The following LRGUK variants were observed in gnomAD, a reference collection of about 807,000 sequenced individuals.
The protein encoded by LRGUK is leucine-rich repeat and guanylate kinase domain-containing protein.
A neutral mutation model predicts 76.0 loss-of-function variants in LRGUK; 65 were observed. The observed-to-expected ratio is 0.85, with a 90% CI of 0.70 to 1.05. LRGUK has a LOEUF of 1.05. LRGUK is among the 50% of genes least tolerant of loss of function. The pLI, the probability that LRGUK is intolerant of heterozygous loss-of-function variation, is 0.00. For synonymous variants in LRGUK, 268 were observed against 265.6 expected, an observed-to-expected ratio of 1.01 and a Z score of -0.09; for missense variants, 758 against 732.8, an observed-to-expected ratio of 1.03 and a Z score of -0.40.
the LRGUK span, among the ~76,000 whole-genome samples, chr7:134,270,993 C>G: frequency 6.6e-6 from 1 of 151,952 alleles, no homozygotes; most frequent in Non-Finnish European, 1.5e-5. Flanking sequence ...CTTTTTATTG[C>G]TAATCCAATA....
At chr7:134,147,451 A>T (rs1277954483) in intron 4 of LRGUK, among the ~76,000 whole-genome samples, 5 of 151,622 alleles carry the variant, frequency 3.3e-5, no homozygotes, top group African/African-American at 1.2e-4. Context: ...AAAAAAAAAA[A>T]TTCTGGCATT....
In LRGUK at chr7:134,223,725, T is replaced by A. The variant is rs374743304; in HGVS notation, c.1983+1807T>A. Among the ~76,000 whole-genome samples the A allele has an allele frequency of 5.3e-5, 8 of 152,336 alleles. No individual in the cohort carries two copies. The East Asian group carries it at 1.3e-3, about 26-fold the overall frequency. Reference sequence around the variant, plus strand: ...TCATCTAAGGCACTGAATCCCATTCTGAGCCAGTGGCCCTGGTATTCTCCA... The same window carrying A: ...TCATCTAAGGCACTGAATCCCATTCAGAGCCAGTGGCCCTGGTATTCTCCA... On this transcript the variant is annotated intron_variant, in intron 16 of 19. Transcript: ENST00000285928.
chr7:134,155,490 G>A lies in LRGUK; in HGVS notation c.671-2545G>A, dbSNP rs181631566. On this transcript the variant is annotated intron_variant, in intron 5 of 15. Transcript: ENST00000645682. ...AAGGATTGAAACTGAAACCATTGAG[G>A]AAAACCCAAGAATTTCTGGTACATT... is the stretch of plus-strand genomic sequence containing the variant. Among the ~76,000 whole-genome samples, 119 of 152,278 alleles carry A rather than the reference G, an allele frequency of 7.8e-4. 3 individuals carry two copies. The highest frequency in any genetic ancestry group is 7.5e-3 in the Admixed American group (115 of 15,300).
chr7:134,140,953 A>T (rs920089793), intron 3 of LRGUK, among the ~76,000 whole-genome samples: 4 of 152,188 alleles, frequency 2.6e-5, no homozygotes, highest in Non-Finnish European at 4.4e-5. Flanking sequence ...TGGTCATCTC[A>T]TCAGAAGGCC....
intron 7 of LRGUK, among the ~76,000 whole-genome samples, chr7:134,164,482 G>A (rs1168382378): frequency 6.6e-6 from 1 of 152,164 alleles, no homozygotes; most frequent in Non-Finnish European, 1.5e-5. Context: ...TAAAGCATTT[G>A]TGTTCCTAAT....
chr7:134,136,150 A>G (rs1034422108), intron 1 of LRGUK, among the ~76,000 whole-genome samples: 6 of 152,174 alleles, frequency 3.9e-5, no homozygotes, highest in African/African-American at 1.4e-4. Flanking sequence ...TCTCATGTTG[A>G]TGTCAGTGTT....
intron 16 of LRGUK, among the ~76,000 whole-genome samples, chr7:134,242,652 G>A (rs1433369111): frequency 1.3e-5 from 2 of 152,096 alleles, no homozygotes; most frequent in Non-Finnish European, 2.9e-5. Context: ...CATTCCTTCT[G>A]AAATTATTCC....
At chr7:134,183,756 C>G (rs763318943) in exon 11 of LRGUK, 209 of 1,614,008 alleles carry the variant, frequency 1.3e-4, no homozygotes, top group South Asian at 2.3e-4. Context: ...CCTGGATGCC[C>G]CTTATCCCAT....
chr7:134,136,391 C>T (rs1158908555), intron 1 of LRGUK, among the ~76,000 whole-genome samples: 2 of 152,144 alleles, frequency 1.3e-5, no homozygotes, highest in Non-Finnish European at 2.9e-5. Flanking sequence ...ACTGAAGGAC[C>T]TGTTTTCTCT....
chr7:134,179,824 A>G (rs1415931966), intron 10 of LRGUK, among the ~76,000 whole-genome samples: 1 of 152,190 alleles, frequency 6.6e-6, no homozygotes, highest in African/African-American at 2.4e-5. Flanking sequence ...CTCATGGACA[A>G]AGGACCAGTA....
chr7:134,192,779 C>G (rs1800312127), intron 12 of LRGUK, among the ~76,000 whole-genome samples: 3 of 152,068 alleles, frequency 2.0e-5, no homozygotes, highest in Non-Finnish European at 4.4e-5. Flanking sequence ...TTCATTGTTT[C>G]TATCACCAAG....
chr7:134,219,137 G>A (rs531532031), intron 15 of LRGUK, among the ~76,000 whole-genome samples: 3 of 152,188 alleles, frequency 2.0e-5, no homozygotes, highest in African/African-American at 7.2e-5. Context: ...TTGTCACATG[G>A]TATTATAACA....
intron 5 of LRGUK, among the ~76,000 whole-genome samples, chr7:134,155,583 GCCTT>G (rs1220757145): frequency 7.2e-5 from 11 of 152,160 alleles, no homozygotes; most frequent in Non-Finnish European, 1.0e-4. Flanking sequence ...CTTAATCCCA[GCCTT>G]GAATTTTCCA....
downstream of LRGUK, among the ~76,000 whole-genome samples, chr7:134,211,149 A>G (rs1320813633): frequency 6.6e-6 from 1 of 152,198 alleles, no homozygotes; most frequent in Non-Finnish European, 1.5e-5. Context: ...AAGGCAGCCA[A>G]TCTGCACTCC....
chr7:134,268,626 A>G (rs1802903076), downstream of LRGUK, among the ~76,000 whole-genome samples: 1 of 151,138 alleles, frequency 6.6e-6, no homozygotes, highest in South Asian at 2.1e-4. Flanking sequence ...TTCACAACTC[A>G]TTTTATGAGG....
chr7:134,255,546 T>G (rs1016717370), intron 18 of LRGUK, among the ~76,000 whole-genome samples: 1 of 152,214 alleles, frequency 6.6e-6, no homozygotes, highest in Non-Finnish European at 1.5e-5. Context: ...TTCAGACATA[T>G]TTTTTGTCTG....
At chr7:134,213,622 G>C (rs1028020505), downstream of LRGUK, among the ~76,000 whole-genome samples, 1 of 152,166 alleles carries the variant, frequency 6.6e-6, no homozygotes, top group African/African-American at 2.4e-5. Flanking sequence ...ATTTCCATTA[G>C]GGTACAAAAG....
downstream of LRGUK, among the ~76,000 whole-genome samples, chr7:134,266,935 A>G (rs1802867165): frequency 6.6e-6 from 1 of 152,204 alleles, no homozygotes; most frequent in Non-Finnish European, 1.5e-5. Flanking sequence ...GAAAAAACAA[A>G]TGCTAGTGGA....
At chr7:134,192,221 A>C (rs991370349) in intron 12 of LRGUK, among the ~76,000 whole-genome samples, 3 of 152,200 alleles carry the variant, frequency 2.0e-5, no homozygotes, top group African/African-American at 7.2e-5. Context: ...CCTAAGCACC[A>C]TTTCAGTATG....
Sources: gnomAD v4.1 joint callset for allele counts (sites outside exome capture counted in the v4.1 genomes callset) on GRCh38, gnomAD v4.1.1 for gene constraint, MANE v1.5 for transcripts, NCBI Gene and HGNC (gene_info 2026-07-23, HGNC 2026-07-21) for gene names.